The following CAD variants were observed in gnomAD, a reference collection of about 807,000 sequenced individuals.
CAD encodes the protein multifunctional protein CAD.
CAD carries 81 observed loss-of-function variants against 237.2 expected under a neutral mutation model. The ratio of observed to expected loss-of-function variants is 0.34; its 90% CI spans 0.29 to 0.41. The LOEUF is 0.41. Ranked by LOEUF, CAD falls within the 10% of genes least tolerant of loss-of-function variation. The pLI is 1.00. For missense variants in CAD, 2,181 were observed against 2,951.7 expected, an observed-to-expected ratio of 0.74 and a Z score of 6.05; for synonymous variants, 1,196 against 1,162.8, an observed-to-expected ratio of 1.03 and a Z score of -0.58.
At position 27,217,417 on chromosome 2, in the gene CAD, G is replaced by C; in HGVS notation, c.-135G>C. On this transcript the variant is annotated 5_prime_UTR_variant, in exon 1 of 44. Coordinates refer to ENST00000264705, the MANE Select transcript of CAD (RefSeq NM_004341.5). ...GCGCCCGAGGCTCCTACGCTGCCGCGCCCGGCTTCTCTCCAGCGCCCCGCG... is the reference window on the plus strand; with the variant it reads ...GCGCCCGAGGCTCCTACGCTGCCGCCCCCGGCTTCTCTCCAGCGCCCCGCG... The C allele has an allele frequency of 1.3e-6, 1 of 768,208 alleles. No individual in the cohort carries two copies. Among genetic ancestry groups the C allele is most frequent in the Admixed American group, 2.2e-5 (1 of 46,018 alleles). The allele number at this position is 768,208 out of a possible 1,614,324, so 47.6% of individuals were successfully genotyped here.
At position 27,235,698 on chromosome 2, in the gene CAD, C is replaced by G; in HGVS notation, c.4074+58C>G. 1 of 1,433,274 alleles carries G rather than the reference C, an allele frequency of 7.0e-7. No individual in the cohort carries two copies. Among genetic ancestry groups the G allele is most frequent in the Non-Finnish European group, 9.8e-7 (1 of 1,019,452 alleles). The allele number at this position is 1,433,274 out of a possible 1,614,324, so 88.8% of individuals were successfully genotyped here. A position where few individuals can be genotyped will look rare whatever the true frequency, so the allele number is the denominator to read the frequency against. On this transcript the variant is annotated intron_variant, in intron 25 of 43. Transcript: ENST00000264705. The surrounding 1 kb of genome is among the most constrained non-coding windows in gnomAD (Gnocchi z 5.2). ...GCCCTTCCCCAAGGGGGTGAAAATA[C>G]TGCACCAAAGAATTATCTGGGCTGG...
In CAD at chr2:27,233,644, C is replaced by T; in HGVS notation, c.3235C>T (p.Gln1079Ter). 6.2e-7 allele frequency: 1 copy of T among 1,614,180 alleles called. No individual in the cohort carries two copies. Among genetic ancestry groups the T allele is most frequent in the Non-Finnish European group, 8.5e-7 (1 of 1,180,048 alleles). The change falls in exon 21 of 44, where the codon CAG becomes TAG. Residue 1079 changes from glutamine to a stop codon, truncating the protein, a stop_gained. Transcript: ENST00000264705. LOFTEE classifies it high-confidence loss of function. This position sits in a 1 kb window ranked among gnomAD's most constrained non-coding sequence, Gnocchi z 6.3. ...SDLESARQFCQTVGYPCVVRP... is the reference protein window; with the variant it reads ...SDLESARQFC ...CCTGTAGTCTGCTCGCCAATTCTGC[C>T]AGACCGTGGGGTACCCCTGTGTGGT...
In CAD at chr2:27,226,668, T is replaced by A; in HGVS notation, c.2156+19T>A. The A allele has an allele frequency of 6.2e-7, 1 of 1,613,706 alleles. No homozygotes were observed. The highest frequency in any genetic ancestry group is 8.5e-7 in the Non-Finnish European group (1 of 1,179,874). ...AGCTCAGGTACGAGGATGAGGGAGA[T>A]ATCACAGTGGGGAAGTGGGTCGGGG... On this transcript the variant is annotated intron_variant, in intron 14 of 43. Coordinates refer to ENST00000264705, the MANE Select transcript of CAD (RefSeq NM_004341.5).
chr2:27,227,252 T>A (rs1054514054), intron 15 of CAD, among the ~76,000 whole-genome samples: 1 of 152,202 alleles, frequency 6.6e-6, no homozygotes, highest in African/African-American at 2.4e-5. Flanking sequence ...TTTTTTAGTA[T>A]GATGTTTACA....
intron 31 of CAD, 105 bp downstream of exon 31, chr2:27,238,737 G>T: frequency 8.4e-6 from 9 of 1,071,280 alleles, no homozygotes; most frequent in Non-Finnish European, 1.2e-5. Context: ...CTAGGACAGG[G>T]TCTTGATCCG....
intron 2 of CAD, 44 bp downstream of exon 2, chr2:27,218,060 T>C: frequency 2.0e-6 from 3 of 1,534,632 alleles, no homozygotes; most frequent in Non-Finnish European, 2.6e-6. Context: ...TTCAAGTCAG[T>C]AATTGTTAAC....
rs1676059784 is a variant in CAD at position 27,237,285 on chromosome 2, A to G, written c.4397-94A>G. The G allele has an allele frequency of 7.3e-7, 1 of 1,370,670 alleles. No individual in the cohort carries two copies. Among genetic ancestry groups the G allele is most frequent in the African/African-American group, 1.4e-5 (1 of 70,262 alleles). The allele number at this position is 1,370,670 out of a possible 1,614,324, so 84.9% of individuals were successfully genotyped here. A position where few individuals can be genotyped will look rare whatever the true frequency, so the allele number is the denominator to read the frequency against. Reference sequence around the variant, plus strand: ...GTGATCTGCCCACCTCGGCCTCCCAAAGTGCTAGGATTACAGGCGTGAGCC... The same window carrying G: ...GTGATCTGCCCACCTCGGCCTCCCAGAGTGCTAGGATTACAGGCGTGAGCC... On this transcript the variant is annotated intron_variant, in intron 27 of 43. Transcript: ENST00000264705. The surrounding 1 kb of genome is among the most constrained non-coding windows in gnomAD (Gnocchi z 4.0).
chr2:27,241,030 G>A lies in CAD; in HGVS notation c.5639-28G>A, dbSNP rs1442520777. On this transcript the variant is annotated intron_variant, in intron 36 of 43. Transcript: ENST00000264705. The surrounding 1 kb of genome is among the most constrained non-coding windows in gnomAD (Gnocchi z 4.6). The stretch of plus-strand genomic sequence containing the variant: ...CTTGGTAGGAGGAACCCTCTGACCA[G>A]CCTTTTCTGCCCCATCCCTCACTGC... 1 of 1,613,306 alleles carries A rather than the reference G, an allele frequency of 6.2e-7. No homozygotes were observed. Among genetic ancestry groups the A allele is most frequent in the Non-Finnish European group, 8.5e-7 (1 of 1,179,594 alleles).
chr2:27,222,968 C>T lies in CAD; in HGVS notation c.740C>T (p.Pro247Leu), dbSNP rs1675250141. 1.2e-6 allele frequency: 2 copies of T among 1,614,088 alleles called. No individual in the cohort carries two copies. Among genetic ancestry groups the T allele is most frequent in the African/African-American group, 2.7e-5 (2 of 74,920 alleles). Reference protein sequence around the residue: ...SRVLSEPNPRPVFGICLGHQL... With the variant: ...SRVLSEPNPRLVFGICLGHQL... The stretch of plus-strand genomic sequence containing the variant: ...GTTTTATCTGAGCCTAATCCCCGAC[C>T]TGTCTTTGGGATCTGCCTGGGACAC... Residue 247 changes from proline (P) to leucine (L), a missense_variant, in exon 6 of 44, where the codon CCT (proline) becomes CTT (leucine). Physicochemically the swap from Pro to Leu is moderately conservative, Grantham distance 98. Coordinates refer to ENST00000264705, the MANE Select transcript of CAD (RefSeq NM_004341.5).
rs1434697491 is a variant in CAD, at chr2:27,221,199, A to G, written c.223-19A>G. ...AATAACTTGGCCTGAGGCTTCTCAC[A>G]ATCTCTTTCCATCTACAGTGGTTTG... On this transcript the variant is annotated intron_variant, in intron 2 of 43. Transcript: ENST00000264705. 1 of 1,491,874 alleles carries G rather than the reference A, an allele frequency of 6.7e-7. No individual in the cohort carries two copies. The highest frequency in any genetic ancestry group is 2.5e-5 in the East Asian group (1 of 39,550). 92.4% of individuals were successfully genotyped at this position (1,491,874 alleles called of 1,614,324 possible). A position where few individuals can be genotyped will look rare whatever the true frequency, so the allele number is the denominator to read the frequency against.
At position 27,237,519 on chromosome 2, in the gene CAD, G is replaced by A. The variant is rs553621458; in HGVS notation, c.4537G>A (p.Ala1513Thr). The change falls in exon 28 of 44, where the codon GCC becomes ACC. Residue 1513 changes from alanine to threonine, a missense_variant. Physicochemically the swap from Ala to Thr is moderately conservative, Grantham distance 58 (BLOSUM62 0). Coordinates refer to ENST00000264705, the MANE Select transcript of CAD (RefSeq NM_004341.5). This position sits in a 1 kb window ranked among gnomAD's most constrained non-coding sequence, Gnocchi z 4.0. ...TAATACCCGGCCCCCCATCATTGAC[G>A]CCCCTGCTCTGGCCCTGGCCCAGAA... ...MPNTRPPIIDAPALALAQKLA... is the reference protein window; with the variant it reads ...MPNTRPPIIDTPALALAQKLA... The A allele has an allele frequency of 9.9e-6, 16 of 1,613,782 alleles. No homozygotes were observed. In the East Asian group the frequency reaches 1.3e-4, roughly 13 times the overall value.
chr2:27,232,293 C>T lies in CAD; in HGVS notation c.2645+69C>T, dbSNP rs1675798400. On this transcript the variant is annotated intron_variant, in intron 17 of 43. Coordinates refer to ENST00000264705, the MANE Select transcript of CAD (RefSeq NM_004341.5). The surrounding 1 kb of genome is among the most constrained non-coding windows in gnomAD (Gnocchi z 4.1). ...AGAACCTTTGTATCAGTGAGGGACC[C>T]TTGGGAGGGAGGAAGGAGAGTGTGG... The T allele has an allele frequency of 5.0e-6, 8 of 1,595,554 alleles. No homozygotes were observed.
In CAD at chr2:27,225,204, G is replaced by T; in HGVS notation, c.1581G>T (p.Glu527Asp). ...AFAARMAEIG[E>D]HVAPSEAANS... ...CTGCCAGAATGGCAGAGATCGGAGAGCATGTGGCCCCGAGCGAGGCAGCAA... is the reference window on the plus strand; with the variant it reads ...CTGCCAGAATGGCAGAGATCGGAGATCATGTGGCCCCGAGCGAGGCAGCAA... The change falls in exon 11 of 44, where the codon GAG becomes GAT. Residue 527 changes from glutamate (E) to aspartate (D), a missense_variant. By Grantham distance (45) the Glu-to-Asp change is conservative. Coordinates refer to ENST00000264705, the MANE Select transcript of CAD (RefSeq NM_004341.5). 1 of 1,614,074 alleles carries T rather than the reference G, an allele frequency of 6.2e-7. No homozygotes were observed. Among genetic ancestry groups the T allele is most frequent in the Non-Finnish European group, 8.5e-7 (1 of 1,179,992 alleles).
At position 27,243,323 on chromosome 2, in the gene CAD, C is replaced by T. The variant is rs772262645; in HGVS notation, c.6575+31C>T. 1.5e-5 allele frequency: 24 copies of T among 1,610,572 alleles called. No individual in the cohort carries two copies. In the African/African-American group the frequency reaches 1.6e-4, roughly 11 times the overall value. ...GCAGCATCAGAGTCAGAGACTGCCT[C>T]GGGGCTGGTGGACGGGAGGAGACTT... On this transcript the variant is annotated intron_variant, in intron 43 of 43. Coordinates refer to ENST00000264705, the MANE Select transcript of CAD (RefSeq NM_004341.5).
rs199538274 is a variant in CAD at position 27,239,441 on chromosome 2, G to C, written c.5364G>C (p.Leu1788=). ...AGGGCACCGTCCGCCGTGTGGTCCT[G>C]CGAGGGGAGGTTGCCTATATCGATG... ...KVKGTVRRVV[L]RGEVAYIDGQ... The change falls in exon 33 of 44, where the codon CTG becomes CTC. Residue 1788 remains leucine (L), a synonymous_variant. Coordinates refer to ENST00000264705, the MANE Select transcript of CAD (RefSeq NM_004341.5). This position sits in a 1 kb window ranked among gnomAD's most constrained non-coding sequence, Gnocchi z 4.0. 1 of 1,613,916 alleles carries C rather than the reference G, an allele frequency of 6.2e-7. No individual in the cohort carries two copies. The highest frequency in any genetic ancestry group is 2.2e-5 in the East Asian group (1 of 44,868).
rs1305073532 is a variant in CAD, at chr2:27,240,286, G to A, written c.5518G>A (p.Gly1840Ser). The A allele has an allele frequency of 6.2e-7, 1 of 1,613,580 alleles. No homozygotes were observed. The highest frequency in any genetic ancestry group is 8.5e-7 in the Non-Finnish European group (1 of 1,179,938). Residue 1840 changes from glycine to serine, a missense_variant, in exon 35 of 44, where the codon GGC becomes AGC. Coordinates refer to ENST00000264705, the MANE Select transcript of CAD (RefSeq NM_004341.5). This position sits in a 1 kb window ranked among gnomAD's most constrained non-coding sequence, Gnocchi z 4.6. Reference sequence around the variant, plus strand: ...CCAGACACCTGAAAGACCCCGCCGTGGCATCCCAGGGCTTCCTGATGGCCG... The same window carrying A: ...CCAGACACCTGAAAGACCCCGCCGTAGCATCCCAGGGCTTCCTGATGGCCG... Reference protein sequence around the residue: ...MTTTPERPRRGIPGLPDGRFH... With the variant: ...MTTTPERPRRSIPGLPDGRFH...
At position 27,226,119 on chromosome 2, in the gene CAD, C is replaced by T. The variant is rs768186963; in HGVS notation, c.1843-12C>T. The stretch of plus-strand genomic sequence containing the variant: ...TGCTTGGCAGTGACCTCCATGGCAC[C>T]CCCCTTCACAGGTGTGTAACATGGA... On this transcript the variant is annotated splice_polypyrimidine_tract_variant and intron_variant, in intron 12 of 43. Transcript: ENST00000264705. 2 of 1,612,002 alleles carry T rather than the reference C, an allele frequency of 1.2e-6. No homozygotes were observed. Among genetic ancestry groups the T allele is most frequent in the South Asian group, 2.2e-5 (2 of 90,996 alleles).
chr2:27,237,093 G>A lies in CAD; in HGVS notation c.4396+263G>A, dbSNP rs1004893804. On this transcript the variant is annotated intron_variant, in intron 27 of 43. Transcript: ENST00000264705. This position sits in a 1 kb window ranked among gnomAD's most constrained non-coding sequence, Gnocchi z 4.0. ...TTGGAGTGCAGTGGTGTGTGATATC[G>A]GCTCACTGCAACCTCCGCCTCCCAG... 1.4e-5 allele frequency among the ~76,000 whole-genome samples: 2 copies of A among 147,080 alleles called. No individual in the cohort carries two copies. Among genetic ancestry groups the A allele is most frequent in the East Asian group, 2.0e-4 (1 of 5,078 alleles).
At chr2:27,222,401 G>A in intron 4 of CAD, 65 bp downstream of exon 4, 4 of 1,582,172 alleles carry the variant, frequency 2.5e-6, no homozygotes, top group Non-Finnish European at 3.5e-6. Flanking sequence ...GCCCACAATT[G>A]GGGGGTGAAC....
Sources: allele counts gnomAD v4.1 joint callset (sites outside exome capture counted in the v4.1 genomes callset), GRCh38; gene constraint gnomAD v4.1.1; non-coding constraint Gnocchi (gnomAD v3.1); transcripts MANE v1.5; gene names NCBI Gene and HGNC (gene_info 2026-07-23, HGNC 2026-07-21).